The following MINDY4B variants were observed in gnomAD, a reference collection of about 807,000 sequenced individuals.
MINDY4B encodes MINDY family member 4B.
A neutral mutation model predicts 16.7 loss-of-function variants in MINDY4B; 25 were observed. That is an observed-to-expected ratio of 1.49 (90% CI 1.09 to 2.09). The LOEUF is 2.09. Ranked by LOEUF, MINDY4B falls within the 30% of genes most tolerant of loss-of-function variation. The pLI is 0.00. For synonymous variants in MINDY4B, 132 were observed against 61.9 expected (o/e 2.13, Z -5.32); for missense variants, 327 against 168.4 (o/e 1.94, Z -5.21).
chr3:150,880,305 C>CTG (rs60659488), intron 10 of MINDY4B, among the ~76,000 whole-genome samples: 6,132 of 149,820 alleles, frequency 0.041, 277 homozygotes, highest in African/African-American at 0.11. Flanking sequence ...AGGTTCCCAT[C>CTG]TGTGTGTGTG....
intron 10 of MINDY4B, among the ~76,000 whole-genome samples, chr3:150,878,745 T>G (rs994791229): frequency 6.6e-6 from 1 of 152,346 alleles, no homozygotes; most frequent in Non-Finnish European, 1.5e-5. Flanking sequence ...TGTTTTGCCC[T>G]CTTCCCAGCA....
intron 10 of MINDY4B, among the ~76,000 whole-genome samples, chr3:150,881,662 T>A (rs945916706): frequency 2.7e-5 from 4 of 150,078 alleles, no homozygotes; most frequent in Non-Finnish European, 5.9e-5. Flanking sequence ...AGAAAGAGTA[T>A]TTCTGAAAAA....
chr3:150,889,031 A>C (rs1432345761), intron 7 of MINDY4B, among the ~76,000 whole-genome samples: 1 of 152,232 alleles, frequency 6.6e-6, no homozygotes, highest in African/African-American at 2.4e-5. Context: ...CACAACAAAG[A>C]ATCCCTAAGC....
chr3:150,895,610 G>T (rs972611716), intron 3 of MINDY4B, among the ~76,000 whole-genome samples: 1 of 152,256 alleles, frequency 6.6e-6, no homozygotes, highest in East Asian at 1.9e-4. Flanking sequence ...GATTATAGGT[G>T]TGTGCCACAA....
intron 3 of MINDY4B, among the ~76,000 whole-genome samples, chr3:150,895,528 C>G (rs182150888): frequency 6.6e-6 from 1 of 152,118 alleles, no homozygotes; most frequent in African/African-American, 2.4e-5. Flanking sequence ...TACGCTGTCA[C>G]GATCTTGGCT....
At chr3:150,904,703 A>T (rs1712199148) in intron 2 of MINDY4B, among the ~76,000 whole-genome samples, 1 of 152,228 alleles carries the variant, frequency 6.6e-6, no homozygotes, top group African/African-American at 2.4e-5. Context: ...CTGAATAAAG[A>T]CGATAACTAT....
At chr3:150,902,154 G>A (rs1436273602) in intron 3 of MINDY4B, among the ~76,000 whole-genome samples, 16 of 152,170 alleles carry the variant, frequency 1.1e-4, no homozygotes, top group Non-Finnish European at 5.9e-5. Context: ...TGTGTGCAGT[G>A]CACAAACTGT....
At chr3:150,892,676 G>T (rs963511187) in intron 5 of MINDY4B, among the ~76,000 whole-genome samples, 2 of 152,026 alleles carry the variant, frequency 1.3e-5, no homozygotes, top group South Asian at 4.2e-4. Flanking sequence ...CGGGTGCAGT[G>T]GCTCACGCCT....
rs200288204 is a variant in MINDY4B, at chr3:150,878,131, A to G, written c.1060-4764T>C. On this transcript the variant is annotated intron_variant, in intron 10 of 11. Transcript: ENST00000465419. ...TTGGAGTGGACGTGGGGATTCAATA[A>G]ATAAATGAAATGACCCAGAAAGGGC... 1.1e-4 allele frequency among the ~76,000 whole-genome samples: 16 copies of G among 152,108 alleles called. No individual in the cohort carries two copies. The East Asian group carries it at 2.9e-3, about 28-fold the overall frequency.
At chr3:150,901,364 T>C (rs1712111039) in intron 3 of MINDY4B, 1 of 152,134 alleles carries the variant, frequency 6.6e-6, no homozygotes, top group Admixed American at 6.6e-5. Context: ...AGATACAAGT[T>C]AAGGCTCCAT....
intron 1 of MINDY4B, 24 bp from the exon 2 acceptor site, chr3:150,905,113 A>G: frequency 2.5e-6 from 1 of 398,526 alleles, no homozygotes. Context: ...AGAAAACATC[A>G]AGTAAATTAC....
At chr3:150,873,453 A>G in intron 10 of MINDY4B, 86 bp from the exon 11 acceptor site, 1 of 640,856 alleles carries the variant, frequency 1.6e-6, no homozygotes, top group Non-Finnish European at 2.8e-6. Context: ...ACCAAAAAGC[A>G]GCTCTGAGGT....
chr3:150,871,089 TC>T lies in MINDY4B; in HGVS notation c.1338del (p.Trp446Ter). ...SPVEMAIRTK[W>X]SEATINWNGT... Reference sequence around the variant, plus strand: ...CCATTCCAGTTGATGGTGGCCTCGCTCCACTTGGTTCTGATTGCCATCTCCA... The same window carrying T: ...CCATTCCAGTTGATGGTGGCCTCGCTCACTTGGTTCTGATTGCCATCTCCA... On this transcript the variant is annotated frameshift_variant, in exon 12 of 12. Transcript: ENST00000465419. LOFTEE classifies it high-confidence loss of function. The T allele has an allele frequency of 1.4e-6, 1 of 702,880 alleles. No homozygotes were observed. Among genetic ancestry groups the T allele is most frequent in the Non-Finnish European group, 2.6e-6 (1 of 384,860 alleles). 43.5% of individuals were successfully genotyped at this position (702,880 alleles called of 1,614,324 possible).
chr3:150,903,201 T>G (rs1712157232), intron 3 of MINDY4B, 48 bp downstream of exon 3: 1 of 398,380 alleles, frequency 2.5e-6, no homozygotes, highest in East Asian at 3.6e-5. Context: ...CTTGTTGTTT[T>G]GGGAAGATTA....
chr3:150,886,237 G>T (rs1559966227), intron 7 of MINDY4B, among the ~76,000 whole-genome samples: 1 of 152,194 alleles, frequency 6.6e-6, no homozygotes, highest in Non-Finnish European at 1.5e-5. Flanking sequence ...AAGTAGAATA[G>T]CTTCCCTGGC....
rs1302208306 is a variant in MINDY4B at position 150,894,312 on chromosome 3, AG to A, written c.310-8del. The A allele has an allele frequency of 4.4e-6, 3 of 685,894 alleles. No homozygotes were observed. Among genetic ancestry groups the A allele is most frequent in the Middle Eastern group, 2.3e-4 (1 of 4,258 alleles). 42.5% of individuals were successfully genotyped at this position (685,894 alleles called of 1,614,324 possible). A position where few individuals can be genotyped will look rare whatever the true frequency, so the allele number is the denominator to read the frequency against. On this transcript the variant is annotated splice_region_variant and splice_polypyrimidine_tract_variant and intron_variant, in intron 3 of 11. Coordinates refer to ENST00000465419, the MANE Select transcript of MINDY4B (RefSeq NM_001351281.2). ...ACAGGATCTGCCGCAGCTTCTGAAA[AG>A]AGGGGAAAGAAATGATTCAACAAAA...
intron 4 of MINDY4B, 85 bp downstream of exon 4, chr3:150,894,101 G>T (rs914483102): frequency 1.8e-6 from 1 of 561,190 alleles, no homozygotes; most frequent in African/African-American, 1.9e-5. Flanking sequence ...ATGAAGACAT[G>T]CATTTACATG....
intron 3 of MINDY4B, among the ~76,000 whole-genome samples, chr3:150,897,321 C>CTGTGTGTG (rs3062408): frequency 0.016 from 2,129 of 130,566 alleles, 32 homozygotes; most frequent in African/African-American, 0.028. Context: ...GTGACTGGAA[C>CTGTGTGTG]TGTGTGTGTG....
At chr3:150,893,181 C>A in intron 5 of MINDY4B, 143 bp downstream of exon 5, 1 of 623,638 alleles carries the variant, frequency 1.6e-6, no homozygotes, top group Non-Finnish European at 2.9e-6. Flanking sequence ...CAGAATCCAG[C>A]CTCTCTGGGA....
Sources: allele counts gnomAD v4.1 joint callset (sites outside exome capture counted in the v4.1 genomes callset), GRCh38; gene constraint gnomAD v4.1.1; transcripts MANE v1.5; gene names NCBI Gene and HGNC (gene_info 2026-07-23, HGNC 2026-07-21).